ZFP2: variants seen among roughly 807,000 people sequenced by gnomAD.
ZFP2 encodes ZFP2 zinc finger protein.
A neutral mutation model predicts 36.1 loss-of-function variants in ZFP2; 33 were observed. The observed-to-expected ratio is 0.92, with a 90% CI of 0.69 to 1.22. ZFP2 has a LOEUF of 1.22. ZFP2 is among the 50% of genes most tolerant of loss of function. ZFP2 has a pLI of 0.00. For missense variants in ZFP2, 522 were observed against 551.4 expected, an observed-to-expected ratio of 0.95 and a Z score of 0.53; for synonymous variants, 170 against 178.0, an observed-to-expected ratio of 0.96 and a Z score of 0.36.
chr5:178,931,872 C>G lies in ZFP2; in HGVS notation c.559C>G (p.Gln187Glu). 3 of 1,612,578 alleles carry G rather than the reference C, an allele frequency of 1.9e-6. No individual in the cohort carries two copies. Among genetic ancestry groups the G allele is most frequent in the African/African-American group, 1.3e-5 (1 of 74,926 alleles). ...QRTHTGEKPY[Q>E]CKECGKAFHK... The stretch of plus-strand genomic sequence containing the variant: ...AACTCACACCGGAGAGAAACCCTAT[C>G]AGTGTAAAGAGTGTGGCAAAGCCTT... Residue 187 changes from glutamine to glutamate, a missense_variant, in exon 5 of 5, where the codon CAG becomes GAG. Gln to Glu is a conservative substitution (Grantham distance 29). Transcript: ENST00000361362.
intron 1 of ZFP2, among the ~76,000 whole-genome samples, chr5:178,908,912 A>C (rs1320978582): frequency 1.3e-5 from 2 of 152,190 alleles, no homozygotes; most frequent in African/African-American, 4.8e-5. Context: ...AGAGTCTTGG[A>C]ACGTGTCTGG....
At chr5:178,912,788 T>G in intron 2 of ZFP2, 69 bp downstream of exon 2, 1 of 1,022,226 alleles carries the variant, frequency 9.8e-7, no homozygotes, top group Non-Finnish European at 1.2e-6. Flanking sequence ...GGCATTGTTT[T>G]AGGGTGTTTG....
rs1338659165 is a variant in ZFP2 at position 178,924,112 on chromosome 5, G to A, written c.-77-7125G>A. Among the ~76,000 whole-genome samples, 2 of 149,156 alleles carry A rather than the reference G, an allele frequency of 1.3e-5. 1 individual carries two copies. The highest frequency in any genetic ancestry group is 3.0e-5 in the Non-Finnish European group (2 of 66,460). On this transcript the variant is annotated intron_variant, in intron 4 of 4. Transcript: ENST00000361362. ...ACCTACGCAAGGTGTGGTGGCTCAT[G>A]CCTGTAATCCCAGCACTTTTTGAGG... is the stretch of plus-strand genomic sequence containing the variant.
intron 4 of ZFP2, among the ~76,000 whole-genome samples, chr5:178,927,422 A>G (rs1422632012): frequency 6.6e-6 from 1 of 152,070 alleles, no homozygotes; most frequent in Non-Finnish European, 1.5e-5. Context: ...GGTAGTTTAC[A>G]TACTGTGTTA....
chr5:178,929,866 G>C (rs1758779151), intron 4 of ZFP2, among the ~76,000 whole-genome samples: 1 of 150,184 alleles, frequency 6.7e-6, no homozygotes. Context: ...CTCAGACTGG[G>C]TGATTTATAA....
intron 1 of ZFP2, chr5:178,909,676 G>C (rs1758247621): frequency 6.8e-7 from 1 of 1,471,758 alleles, no homozygotes; most frequent in Non-Finnish European, 9.0e-7. Flanking sequence ...GCAGCGGGCA[G>C]ATCCTTGCTG....
At position 178,931,993 on chromosome 5, in the gene ZFP2, T is replaced by G; in HGVS notation, c.680T>G (p.Met227Arg). 6.2e-7 allele frequency: 1 copy of G among 1,613,744 alleles called. No individual in the cohort carries two copies. The highest frequency in any genetic ancestry group is 8.5e-7 in the Non-Finnish European group (1 of 1,179,862). ...TGTGGTAAAGCTTTTACCCAAAGCA[T>G]GAATTTGACAGTTCATCAGAGAACT... ...NECGKAFTQS[M>R]NLTVHQRTHT... Residue 227 changes from methionine (M) to arginine (R), a missense_variant, in exon 5 of 5, where the codon ATG becomes AGG. By Grantham distance (91) the Met-to-Arg change is moderately conservative. Coordinates refer to ENST00000361362, the MANE Select transcript of ZFP2 (RefSeq NM_030613.4).
Position 178,902,721 on chromosome 5 carries a change from A to G in ZFP2, c.-450+6747A>G, listed in dbSNP as rs542481392. On this transcript the variant is annotated intron_variant, in intron 1 of 4. Transcript: ENST00000361362. ...TACTCTTGTCTCCAAGCTCCCTATTATCTCTTCTCATAAAAAGGTAATGAT... is the reference window on the plus strand; with the variant it reads ...TACTCTTGTCTCCAAGCTCCCTATTGTCTCTTCTCATAAAAAGGTAATGAT... 3.9e-5 allele frequency among the ~76,000 whole-genome samples: 6 copies of G among 152,220 alleles called. No homozygotes were observed. In the East Asian group the frequency reaches 9.6e-4, roughly 24 times the overall value.
intron 4 of ZFP2, among the ~76,000 whole-genome samples, chr5:178,921,233 G>A (rs1758555797): frequency 6.6e-6 from 1 of 152,116 alleles, no homozygotes; most frequent in Non-Finnish European, 1.5e-5. Flanking sequence ...AACTTCCAAG[G>A]TCATGTTCCC....
chr5:178,907,478 G>T (rs1758191095), intron 1 of ZFP2, among the ~76,000 whole-genome samples: 1 of 151,650 alleles, frequency 6.6e-6, no homozygotes. Context: ...GACTCCTGGG[G>T]GTTAAGTGAC....
rs182766867 is a variant in ZFP2 at position 178,910,618 on chromosome 5, C to T, written c.-449-1966C>T. ...CACACTGGCCCATGGTACTGGTGTC[C>T]CGGCCTCTAGAATGGCCCCCTCTGG... is the stretch of plus-strand genomic sequence containing the variant. On this transcript the variant is annotated intron_variant, in intron 1 of 4. Coordinates refer to ENST00000361362, the MANE Select transcript of ZFP2 (RefSeq NM_030613.4). 2.2e-4 allele frequency: 90 copies of T among 418,224 alleles called. 1 individual carries two copies. The highest frequency in any genetic ancestry group is 1.7e-3 in the African/African-American group (82 of 48,830). 25.9% of individuals were successfully genotyped at this position (418,224 alleles called of 1,614,324 possible). A position where few individuals can be genotyped will look rare whatever the true frequency, so the allele number is the denominator to read the frequency against.
chr5:178,929,806 CG>C (rs1758777710), intron 4 of ZFP2, among the ~76,000 whole-genome samples: 1 of 152,118 alleles, frequency 6.6e-6, no homozygotes, highest in Non-Finnish European at 1.5e-5. Context: ...TCCACTTCCC[CG>C]TACCAATTTT....
chr5:178,912,172 G>A (rs974546339), intron 1 of ZFP2, among the ~76,000 whole-genome samples: 1 of 152,158 alleles, frequency 6.6e-6, no homozygotes, highest in Non-Finnish European at 1.5e-5. Flanking sequence ...AGAAAAGAAC[G>A]AGGGCTGGGC....
chr5:178,896,256 C>T (rs1384350458), intron 1 of ZFP2, among the ~76,000 whole-genome samples: 1 of 152,198 alleles, frequency 6.6e-6, no homozygotes, highest in Non-Finnish European at 1.5e-5. Context: ...ATCACAGCCC[C>T]GGAGCAGCGG....
intron 4 of ZFP2, among the ~76,000 whole-genome samples, chr5:178,929,761 C>T (rs1217631352): frequency 1.3e-5 from 2 of 152,162 alleles, no homozygotes; most frequent in Non-Finnish European, 2.9e-5. Context: ...ATTCCAAAGT[C>T]ACCTCCACAT....
Position 178,912,678 on chromosome 5 carries a change from G to C in ZFP2, c.-355G>C. The C allele has an allele frequency of 9.4e-7, 1 of 1,063,594 alleles. No homozygotes were observed. The highest frequency in any genetic ancestry group is 1.2e-6 in the Non-Finnish European group (1 of 863,550). The allele number at this position is 1,063,594 out of a possible 1,614,324, so 65.9% of individuals were successfully genotyped here. On this transcript the variant is annotated 5_prime_UTR_variant, in exon 2 of 5. Coordinates refer to ENST00000361362, the MANE Select transcript of ZFP2 (RefSeq NM_030613.4). ...TCTGCTCAGAGGATGACCGTGTATG[G>C]GGAGGTGATGCTGGAGAACTACAGG... is the stretch of plus-strand genomic sequence containing the variant.
Position 178,931,233 on chromosome 5 carries a change from TCAGACTGGG to T in ZFP2, c.-77-3_-72del. ...TGTGCATTTGAATTTTTTTTTTTTTTCAGACTGGGAGACAAGACTTGAAACCAAAGAGCC... is the reference window on the plus strand; with the variant it reads ...TGTGCATTTGAATTTTTTTTTTTTTTAGACAAGACTTGAAACCAAAGAGCC... On this transcript the variant is annotated splice_acceptor_variant and splice_polypyrimidine_tract_variant and 5_prime_UTR_variant and intron_variant, in exon 5 of 5. Transcript: ENST00000361362. LOFTEE classifies it low-confidence loss of function (5UTR_SPLICE). 1 of 1,498,608 alleles carries T rather than the reference TCAGACTGGG, an allele frequency of 6.7e-7. No homozygotes were observed. Among genetic ancestry groups the T allele is most frequent in the Non-Finnish European group, 8.9e-7 (1 of 1,128,044 alleles). The allele number at this position is 1,498,608 out of a possible 1,614,324, so 92.8% of individuals were successfully genotyped here. A position where few individuals can be genotyped will look rare whatever the true frequency, so the allele number is the denominator to read the frequency against.
intron 4 of ZFP2, among the ~76,000 whole-genome samples, chr5:178,921,794 C>G (rs1404486465): frequency 1.3e-5 from 2 of 149,268 alleles, no homozygotes; most frequent in African/African-American, 4.9e-5. Context: ...TTCTCTTCCC[C>G]AATTCACCTG....
At chr5:178,904,985 G>A (rs1386791272) in intron 1 of ZFP2, among the ~76,000 whole-genome samples, 2 of 152,100 alleles carry the variant, frequency 1.3e-5, no homozygotes, top group African/African-American at 4.8e-5. Context: ...ACAGGAGTGA[G>A]CCACTGCGCC....
Sources: gnomAD v4.1 joint callset for allele counts (sites outside exome capture counted in the v4.1 genomes callset) on GRCh38, gnomAD v4.1.1 for gene constraint, MANE v1.5 for transcripts, NCBI Gene and HGNC (gene_info 2026-07-23, HGNC 2026-07-21) for gene names.